BABAM2: variants seen among roughly 807,000 people sequenced by gnomAD.
The protein encoded by BABAM2 is BRISC and BRCA1 A complex member 2.
BABAM2 carries 31 observed loss-of-function variants against 54.7 expected under a neutral mutation model. The observed-to-expected ratio is 0.57, with a 90% CI of 0.43 to 0.77. The LOEUF is 0.77. Ranked by LOEUF, BABAM2 falls within the 30% of genes least tolerant of loss-of-function variation. BABAM2 has a pLI of 0.00. For missense variants in BABAM2, 364 were observed against 455.8 expected (o/e 0.80, Z 1.83); for synonymous variants, 167 against 162.9 (o/e 1.03, Z -0.19).
intron 6 of BABAM2, among the ~76,000 whole-genome samples, chr2:28,056,132 G>A (rs555497911): frequency 6.6e-6 from 1 of 152,302 alleles, no homozygotes; most frequent in African/African-American, 2.4e-5. Context: ...TACATCTTCT[G>A]TGTACATCAG....
At chr2:27,925,577 C>T (rs896977179) in intron 2 of BABAM2, among the ~76,000 whole-genome samples, 6 of 152,198 alleles carry the variant, frequency 3.9e-5, no homozygotes, top group African/African-American at 1.4e-4. Flanking sequence ...CCCAGCTGCC[C>T]TGGCCTTCCT....
chr2:28,030,035 C>T (rs758526830), intron 5 of BABAM2, among the ~76,000 whole-genome samples: 6 of 152,108 alleles, frequency 3.9e-5, no homozygotes, highest in East Asian at 3.9e-4. Context: ...AAACAGGAAT[C>T]GCTGTCAAAC....
At chr2:28,040,257 C>G (rs1365659213) in intron 5 of BABAM2, among the ~76,000 whole-genome samples, 3 of 145,320 alleles carry the variant, frequency 2.1e-5, no homozygotes, top group African/African-American at 7.6e-5. Context: ...GCTTATAGGT[C>G]ATAAGGAAAA....
At chr2:28,188,604 C>T (rs139837587) in intron 7 of BABAM2, among the ~76,000 whole-genome samples, 2,005 of 152,202 alleles carry the variant, frequency 0.013, 28 homozygotes, top group South Asian at 0.049. Flanking sequence ...GAGATTGAAA[C>T]GGAAAATGGA....
Position 28,308,692 on chromosome 2 carries a change from A to G in BABAM2, c.1088+10201A>G. The stretch of plus-strand genomic sequence containing the variant: ...GCACATCCACACCCAGGCAGACAGA[A>G]ACAGTTCCATACTCTTTTCACCATG... On this transcript the variant is annotated intron_variant, in intron 11 of 11. Coordinates refer to ENST00000379624, the MANE Select transcript of BABAM2 (RefSeq NM_199191.3). 3 of 280,940 alleles carry G rather than the reference A, an allele frequency of 1.1e-5. No individual in the cohort carries two copies. The South Asian group carries it at 1.1e-4, about 10-fold the overall frequency. 17.4% of individuals were successfully genotyped at this position (280,940 alleles called of 1,614,324 possible).
intron 3 of BABAM2, among the ~76,000 whole-genome samples, chr2:27,966,799 C>T (rs1338567409): frequency 6.6e-6 from 1 of 152,106 alleles, no homozygotes; most frequent in South Asian, 2.1e-4. Context: ...TAGCTTGAAC[C>T]ATTCTCCTCT....
chr2:28,285,816 C>T (rs531264400), intron 10 of BABAM2, among the ~76,000 whole-genome samples: 15 of 152,122 alleles, frequency 9.9e-5, no homozygotes, highest in Admixed American at 6.5e-4. Context: ...GCGATCCTCC[C>T]GCCTAGGCTC....
Position 28,086,539 on chromosome 2 carries a change from C to CTAGCAAATAGTAACTTTTGTGAGCTGA in BABAM2, c.570+40744_570+40770dup, listed in dbSNP as rs1665655601. ...TGAAAAAAGTTTTTTTGCGTCTAAC[C>CTAGCAAATAGTAACTTTTGTGAGCTGA]TAGCAAATAGTAACTTTTGTGAGCT... On this transcript the variant is annotated intron_variant, in intron 6 of 11. Transcript: ENST00000379624. Among the ~76,000 whole-genome samples the CTAGCAAATAGTAACTTTTGTGAGCTGA allele has an allele frequency of 2.6e-5, 4 of 152,270 alleles. No homozygotes were observed. In the South Asian group the frequency reaches 8.3e-4, roughly 32 times the overall value.
At chr2:27,907,479 G>GT (rs1666268913) in intron 2 of BABAM2, among the ~76,000 whole-genome samples, 1 of 151,940 alleles carries the variant, frequency 6.6e-6, no homozygotes. Flanking sequence ...TAATTAACAT[G>GT]TTGGGTCAAT....
At chr2:28,048,608 T>TA (rs1677776570) in intron 6 of BABAM2, among the ~76,000 whole-genome samples, 1 of 152,190 alleles carries the variant, frequency 6.6e-6, no homozygotes, top group Non-Finnish European at 1.5e-5. Context: ...GTGGTCTGTA[T>TA]AGCAGGAAAC....
intron 4 of BABAM2, among the ~76,000 whole-genome samples, chr2:28,018,175 G>A (rs114213729): frequency 3.9e-5 from 6 of 152,204 alleles, no homozygotes; most frequent in Non-Finnish European, 5.9e-5. Context: ...AGTCCAATGC[G>A]TCATTCTTAT....
intron 11 of BABAM2, among the ~76,000 whole-genome samples, chr2:28,315,427 TTTTC>T (rs1689454649): frequency 6.3e-5 from 1 of 15,798 alleles, no homozygotes; most frequent in Non-Finnish European, 1.3e-4. Context: ...TTCTTTTTTC[TTTTC>T]TTTTCTTTTC....
chr2:27,963,985 T>C (rs1173366089), intron 3 of BABAM2, among the ~76,000 whole-genome samples: 1 of 152,188 alleles, frequency 6.6e-6, no homozygotes, highest in Non-Finnish European at 1.5e-5. Flanking sequence ...ATTGCTATGG[T>C]TTGAATATGG....
chr2:28,237,746 C>A (rs951991855), intron 8 of BABAM2, among the ~76,000 whole-genome samples: 1 of 152,218 alleles, frequency 6.6e-6, no homozygotes, highest in Non-Finnish European at 1.5e-5. Flanking sequence ...CTCTGTGTTT[C>A]TGTACCTTAC....
chr2:27,895,436 A>T (rs184037504), intron 2 of BABAM2, among the ~76,000 whole-genome samples: 46 of 152,244 alleles, frequency 3.0e-4, no homozygotes, highest in Admixed American at 9.8e-4. Context: ...GGGTTTGTCT[A>T]ATGTTTTCTT....
chr2:27,911,895 C>T (rs1666630338), intron 2 of BABAM2, among the ~76,000 whole-genome samples: 2 of 152,210 alleles, frequency 1.3e-5, no homozygotes, highest in Non-Finnish European at 2.9e-5. Context: ...CGTGCCTCCT[C>T]CAAGTATTTT....
intron 5 of BABAM2, among the ~76,000 whole-genome samples, chr2:28,027,449 A>C (rs1045563476): frequency 6.6e-6 from 1 of 152,212 alleles, no homozygotes; most frequent in Non-Finnish European, 1.5e-5. Flanking sequence ...GAGATCCCTC[A>C]TGTCCACTTA....
At chr2:28,066,317 T>C (rs1296146768) in intron 6 of BABAM2, among the ~76,000 whole-genome samples, 1 of 152,136 alleles carries the variant, frequency 6.6e-6, no homozygotes, top group Admixed American at 6.5e-5. Flanking sequence ...ACTGTACTTA[T>C]TAGTCATATC....
At chr2:28,153,789 C>T (rs1173658176) in intron 7 of BABAM2, among the ~76,000 whole-genome samples, 1 of 152,174 alleles carries the variant, frequency 6.6e-6, no homozygotes, top group African/African-American at 2.4e-5. Flanking sequence ...ACACACTAAA[C>T]TTTAGGAATA....
Sources: allele counts gnomAD v4.1 joint callset (sites outside exome capture counted in the v4.1 genomes callset), GRCh38; gene constraint gnomAD v4.1.1; transcripts MANE v1.5; gene names NCBI Gene and HGNC (gene_info 2026-07-23, HGNC 2026-07-21).